The following SNPH variants were observed in gnomAD, a reference collection of about 807,000 sequenced individuals.
SNPH encodes syntaphilin.
SNPH carries 10 observed loss-of-function variants against 36.8 expected under a neutral mutation model. That is an observed-to-expected ratio of 0.27 (90% confidence interval 0.17 to 0.46). SNPH has a LOEUF of 0.46. Ranked by LOEUF, SNPH falls within the 20% of genes least tolerant of loss-of-function variation. SNPH has a pLI of 1.00. For synonymous variants in SNPH, 281 were observed against 312.2 expected, an observed-to-expected ratio of 0.90 and a Z score of 1.05; for missense variants, 622 against 744.0, an observed-to-expected ratio of 0.84 and a Z score of 1.91.
chr20:1,272,605 A>T (rs957430622), intron 2 of SNPH, among the ~76,000 whole-genome samples: 24 of 152,252 alleles, frequency 1.6e-4, no homozygotes, highest in Admixed American at 3.9e-4. Context: ...TAAAATGTGT[A>T]TGTGACCGGC....
Position 1,304,984 on chromosome 20 carries a change from C to G in SNPH, c.547C>G (p.Arg183Gly). The change falls in exon 7 of 7, where the codon CGA becomes GGA. Residue 183 changes from arginine to glycine, a missense_variant. Arg to Gly is a moderately radical substitution (Grantham distance 125). Transcript: ENST00000381867. This position sits in a 1 kb window ranked among gnomAD's most constrained non-coding sequence, Gnocchi z 4.3. Reference protein sequence around the residue: ...VEAQLALKEARKEIKQLKQVI... With the variant: ...VEAQLALKEAGKEIKQLKQVI... The stretch of plus-strand genomic sequence containing the variant: ...GGCCCAGCTGGCCCTGAAGGAGGCC[C>G]GAAAGGAGATCAAGCAGCTCAAGCA... 6.2e-7 allele frequency: 1 copy of G among 1,613,888 alleles called. No homozygotes were observed. Among genetic ancestry groups the G allele is most frequent in the South Asian group, 1.1e-5 (1 of 91,084 alleles).
At chr20:1,269,136 C>G (rs777976178) in intron 2 of SNPH, among the ~76,000 whole-genome samples, 2 of 152,158 alleles carry the variant, frequency 1.3e-5, no homozygotes, top group Non-Finnish European at 2.9e-5. Flanking sequence ...AGTCAGGAGA[C>G]CCAGGTCCCA....
At chr20:1,267,114 T>C (rs1041827909) in intron 2 of SNPH, among the ~76,000 whole-genome samples, 12 of 152,066 alleles carry the variant, frequency 7.9e-5, no homozygotes, top group Admixed American at 5.9e-4. Flanking sequence ...GGAGCAGGGG[T>C]ACCTGGGGGT....
intron 2 of SNPH, among the ~76,000 whole-genome samples, chr20:1,280,197 A>C (rs2088200056): frequency 6.6e-6 from 1 of 152,192 alleles, no homozygotes; most frequent in Non-Finnish European, 1.5e-5. Flanking sequence ...GCTCATCAGC[A>C]TCACACACAC....
Position 1,305,971 on chromosome 20 carries a change from G to A in SNPH, c.1534G>A (p.Ala512Thr). The A allele has an allele frequency of 1.9e-6, 3 of 1,556,468 alleles. No homozygotes were observed. The highest frequency in any genetic ancestry group is 2.6e-6 in the Non-Finnish European group (3 of 1,151,322). The change falls in exon 7 of 7, where the codon GCC becomes ACC. Residue 512 changes from alanine (A) to threonine (T), a missense_variant. Physicochemically the swap from Ala to Thr is moderately conservative, Grantham distance 58. Coordinates refer to ENST00000381867, the MANE Select transcript of SNPH (RefSeq NM_001318234.2). ...SSLLRGCCTV[A>T]LHSIRRISCR... ...CCTGCTGCGGGGCTGCTGCACTGTGGCCTTGCACTCCATCCGCAGGATCAG... is the reference window on the plus strand; with the variant it reads ...CCTGCTGCGGGGCTGCTGCACTGTGACCTTGCACTCCATCCGCAGGATCAG...
At chr20:1,279,265 G>A (rs1328116414) in intron 2 of SNPH, among the ~76,000 whole-genome samples, 2 of 152,156 alleles carry the variant, frequency 1.3e-5, no homozygotes, top group Admixed American at 1.3e-4. Context: ...ACTCTAATAG[G>A]TTCGTAATGG....
rs1287716750 is a variant in SNPH at position 1,297,285 on chromosome 20, G to C, written c.290+33G>C. 2.5e-6 allele frequency: 4 copies of C among 1,597,014 alleles called. No individual in the cohort carries two copies. The Admixed American group carries it at 6.9e-5, about 27-fold the overall frequency. Reference sequence around the variant, plus strand: ...GCCCCTCCTCTCTGGGCCTGGCCCTGCTGGCTGGGAACAGGTTGTCCTGGG... The same window carrying C: ...GCCCCTCCTCTCTGGGCCTGGCCCTCCTGGCTGGGAACAGGTTGTCCTGGG... On this transcript the variant is annotated intron_variant, in intron 5 of 6. Transcript: ENST00000381867.
intron 2 of SNPH, among the ~76,000 whole-genome samples, chr20:1,268,496 C>G (rs1358714242): frequency 6.6e-6 from 1 of 152,164 alleles, no homozygotes; most frequent in Non-Finnish European, 1.5e-5. Context: ...CTTTCTCGCT[C>G]CTCTTTATTC....
chr20:1,279,269 G>A (rs936657107), intron 2 of SNPH, among the ~76,000 whole-genome samples: 1 of 152,174 alleles, frequency 6.6e-6, no homozygotes, highest in Non-Finnish European at 1.5e-5. Flanking sequence ...TAATAGGTTC[G>A]TAATGGTATC....
At chr20:1,280,201 C>T (rs2088200153) in intron 2 of SNPH, among the ~76,000 whole-genome samples, 2 of 152,190 alleles carry the variant, frequency 1.3e-5, no homozygotes. Flanking sequence ...ATCAGCATCA[C>T]ACACACATGT....
Position 1,304,291 on chromosome 20 carries a change from G to A in SNPH, c.441-587G>A, listed in dbSNP as rs1280744465. ...CCCGTTCCACCCACCACTTCTCATC[G>A]CTCTGCATGAGGGATGATGTAAAAT... On this transcript the variant is annotated intron_variant, in intron 6 of 6. Coordinates refer to ENST00000381867, the MANE Select transcript of SNPH (RefSeq NM_001318234.2). The surrounding 1 kb of genome is among the most constrained non-coding windows in gnomAD (Gnocchi z 4.3). Among the ~76,000 whole-genome samples the A allele has an allele frequency of 2.6e-5, 4 of 152,032 alleles. No homozygotes were observed. Among genetic ancestry groups the A allele is most frequent in the Admixed American group, 6.5e-5 (1 of 15,272 alleles).
Position 1,304,814 on chromosome 20 carries a change from C to T in SNPH, c.441-64C>T. 1 of 1,506,068 alleles carries T rather than the reference C, an allele frequency of 6.6e-7. No individual in the cohort carries two copies. The highest frequency in any genetic ancestry group is 1.4e-5 in the African/African-American group (1 of 73,170). 93.3% of individuals were successfully genotyped at this position (1,506,068 alleles called of 1,614,324 possible). A position where few individuals can be genotyped will look rare whatever the true frequency, so the allele number is the denominator to read the frequency against. On this transcript the variant is annotated intron_variant, in intron 6 of 6. Transcript: ENST00000381867. This position sits in a 1 kb window ranked among gnomAD's most constrained non-coding sequence, Gnocchi z 4.3. ...TGGCAACAGTGTCCTCTCCCTGCCT[C>T]TCCTTGGCGGTGACAGACCAGGCAG...
At chr20:1,298,211 C>T (rs982168744) in intron 5 of SNPH, among the ~76,000 whole-genome samples, 1 of 151,076 alleles carries the variant, frequency 6.6e-6, no homozygotes, top group Non-Finnish European at 1.5e-5. Context: ...GCTAATAACT[C>T]GGAAGCTTCG....
chr20:1,305,055 G>T lies in SNPH; in HGVS notation c.618G>T (p.Gly206=). 6.2e-7 allele frequency: 1 copy of T among 1,614,090 alleles called. No individual in the cohort carries two copies. Among genetic ancestry groups the T allele is most frequent in the Non-Finnish European group, 8.5e-7 (1 of 1,180,046 alleles). The change falls in exon 7 of 7, where the codon GGG becomes GGT. Residue 206 remains glycine (G), a synonymous_variant. Transcript: ENST00000381867. The part of the protein sequence containing the change: ...VKNNLIDKDK[G]LQKYFVDINI... ...ACAACCTGATTGACAAGGACAAGGG[G>T]CTGCAGAAGTACTTCGTGGACATCA...
At position 1,308,349 on chromosome 20, in the gene SNPH, CTCTT is replaced by C. The variant is rs1177155289; in HGVS notation, c.*2298_*2301del. 2 of 152,760 alleles carry C rather than the reference CTCTT, an allele frequency of 1.3e-5. No individual in the cohort carries two copies. Among genetic ancestry groups the C allele is most frequent in the Non-Finnish European group, 2.9e-5 (2 of 68,476 alleles). The allele number at this position is 152,760 out of a possible 1,614,324, so 9.5% of individuals were successfully genotyped here. On this transcript the variant is annotated 3_prime_UTR_variant, in exon 7 of 7. Coordinates refer to ENST00000381867, the MANE Select transcript of SNPH (RefSeq NM_001318234.2). ...CCTGGCCCACAGTGTTGAGGGTCCT[CTCTT>C]TCGGGGGCTCTCCTGGGGCCTTCGA... is the stretch of plus-strand genomic sequence containing the variant.
Position 1,274,365 on chromosome 20 carries a change from T to TA in SNPH, c.-493+7618dup, listed in dbSNP as rs550113881. Reference sequence around the variant, plus strand: ...TCAAGGGATGAAAGGGAGAAAATTCTAAAAAAAAAAAAATCTAGTAACAAA... The same window carrying TA: ...TCAAGGGATGAAAGGGAGAAAATTCTAAAAAAAAAAAAAATCTAGTAACAAA... On this transcript the variant is annotated intron_variant, in intron 2 of 6. Transcript: ENST00000381867. 5.7e-3 allele frequency among the ~76,000 whole-genome samples: 828 copies of TA among 144,428 alleles called. 8 individuals carry two copies. Among genetic ancestry groups the TA allele is most frequent in the African/African-American group, 0.017 (691 of 39,638 alleles). The allele number at this position is 144,428 out of a possible 152,430, so 94.8% of individuals were successfully genotyped here. A position where few individuals can be genotyped will look rare whatever the true frequency, so the allele number is the denominator to read the frequency against.
At position 1,308,782 on chromosome 20, in the gene SNPH, T is replaced by C. The variant is rs933084135; in HGVS notation, c.*2728T>C. 1.3e-5 allele frequency: 2 copies of C among 152,282 alleles called. No individual in the cohort carries two copies. Among genetic ancestry groups the C allele is most frequent in the Non-Finnish European group, 2.9e-5 (2 of 68,068 alleles). 9.4% of individuals were successfully genotyped at this position (152,282 alleles called of 1,614,324 possible). A position where few individuals can be genotyped will look rare whatever the true frequency, so the allele number is the denominator to read the frequency against. On this transcript the variant is annotated 3_prime_UTR_variant, in exon 7 of 7. Transcript: ENST00000381867. ...TTCCCCAGCGTCTGGCAAGAGCTGA[T>C]GAGGTCCTGAGGAACAGTGTCCCCA...
rs1445957141 is a variant in SNPH at position 1,296,337 on chromosome 20, C to T, written c.98C>T (p.Pro33Leu). The T allele has an allele frequency of 3.8e-6, 6 of 1,597,794 alleles. No homozygotes were observed. Among genetic ancestry groups the T allele is most frequent in the Non-Finnish European group, 5.1e-6 (6 of 1,173,398 alleles). Residue 33 changes from proline (P) to leucine (L), a missense_variant, in exon 4 of 7, where the codon CCG becomes CTG. Pro to Leu is a moderately conservative substitution (Grantham distance 98). This residue lies in a region of SNPH where 187 missense variants were observed against 209.4 expected (regional missense o/e 0.89). Transcript: ENST00000381867. ...CCTCTCTCCTCAGCCCCCGGGATAC[C>T]GCCCATCCCACCCCTTACTCGGACC... is the stretch of plus-strand genomic sequence containing the variant. ...TRPLSSAPGI[P>L]PIPPLTRTHS...
intron 4 of SNPH, chr20:1,296,908 G>A (rs990310203): frequency 1.1e-4 from 36 of 323,732 alleles, no homozygotes; most frequent in Non-Finnish European, 1.5e-4. Context: ...CAGCCCTGCC[G>A]GCCCCCATTC....
Sources: gnomAD v4.1 joint callset for allele counts (sites outside exome capture counted in the v4.1 genomes callset) on GRCh38, gnomAD v4.1.1 for gene constraint, gnomAD v4.1.1 regional missense constraint, Gnocchi (gnomAD v3.1) non-coding constraint, MANE v1.5 for transcripts, NCBI Gene and HGNC (gene_info 2026-07-23, HGNC 2026-07-21) for gene names.